The following RBFOX1 variants were observed in gnomAD, a reference collection of about 807,000 sequenced individuals.
The protein encoded by RBFOX1 is RNA binding fox-1 homolog 1.
In RBFOX1, 8 loss-of-function variants were observed where a neutral mutation model predicts 57.7. The observed-to-expected ratio is 0.14, with a 90% CI of 0.08 to 0.25. RBFOX1 has a LOEUF of 0.25. RBFOX1 is among the 10% of genes least tolerant of loss of function. RBFOX1 has a pLI of 1.00. For missense variants in RBFOX1, 611 were observed against 548.5 expected (o/e 1.11, Z -1.14); for synonymous variants, 326 against 222.4 (o/e 1.47, Z -4.15).
At chr16:6,256,372 A>T (rs1204758617) in intron 1 of RBFOX1, among the ~76,000 whole-genome samples, 1 of 148,908 alleles carries the variant, frequency 6.7e-6, no homozygotes, top group Non-Finnish European at 1.5e-5. Flanking sequence ...AGGTTGGGTA[A>T]GAGGACTGAG....
chr16:7,643,958 C>G (rs1277237406), intron 11 of RBFOX1, among the ~76,000 whole-genome samples: 1 of 152,106 alleles, frequency 6.6e-6, no homozygotes, highest in Non-Finnish European at 1.5e-5. Context: ...GCAAATTAAC[C>G]CAGTCTATGA....
intron 4 of RBFOX1, among the ~76,000 whole-genome samples, chr16:7,384,918 TA>T (rs2097851420): frequency 6.6e-6 from 1 of 152,144 alleles, no homozygotes; most frequent in South Asian, 2.1e-4. Flanking sequence ...GTCAGATAAT[TA>T]AAACAGAGAG....
rs568182116 is a variant in RBFOX1 at position 6,974,819 on chromosome 16, C to T, written c.-15-77238C>T. On this transcript the variant is annotated intron_variant, in intron 3 of 15. Transcript: ENST00000550418. ...TGAAGTTTGCCAGTCACTCCCTTGG[C>T]TTGTAGTCCTTTTACTTCCATTTTA... 3.3e-5 allele frequency among the ~76,000 whole-genome samples: 5 copies of T among 152,246 alleles called. No individual in the cohort carries two copies. In the South Asian group the frequency reaches 1.0e-3, roughly 32 times the overall value.
intron 3 of RBFOX1, among the ~76,000 whole-genome samples, chr16:5,839,988 G>A (rs2056576946): frequency 6.6e-6 from 1 of 152,148 alleles, no homozygotes; most frequent in African/African-American, 2.4e-5. Flanking sequence ...AACAGTGTCT[G>A]CCACAAGCAT....
chr16:6,618,150 A>G (rs75637124), intron 2 of RBFOX1, among the ~76,000 whole-genome samples: 35 of 152,102 alleles, frequency 2.3e-4, no homozygotes, highest in Non-Finnish European at 4.6e-4. Flanking sequence ...TTACAGGGAC[A>G]TGAGGAGGGG....
intron 3 of RBFOX1, among the ~76,000 whole-genome samples, chr16:5,853,212 C>G (rs1219958972): frequency 6.6e-6 from 1 of 152,046 alleles, no homozygotes. Context: ...CCTTGCATTT[C>G]AATGCCAGGT....
At chr16:6,821,202 G>A (rs1200914485) in intron 3 of RBFOX1, among the ~76,000 whole-genome samples, 1 of 152,126 alleles carries the variant, frequency 6.6e-6, no homozygotes, top group Admixed American at 6.6e-5. Context: ...TTGGCTAGAA[G>A]TCCAGTCATG....
intron 4 of RBFOX1, among the ~76,000 whole-genome samples, chr16:5,927,291 G>A (rs1597823004): frequency 6.6e-6 from 1 of 152,314 alleles, no homozygotes; most frequent in Non-Finnish European, 1.5e-5. Flanking sequence ...ATATATATGT[G>A]TGTGGCAAAC....
chr16:6,920,504 G>C (rs995589835), intron 3 of RBFOX1, among the ~76,000 whole-genome samples: 2 of 152,214 alleles, frequency 1.3e-5, no homozygotes, highest in African/African-American at 4.8e-5. Context: ...AGAGGCTCTT[G>C]TAATTGCCAA....
At chr16:7,709,468 C>G in intron 15 of RBFOX1, 2 of 1,417,886 alleles carry the variant, frequency 1.4e-6, no homozygotes, top group Non-Finnish European at 9.2e-7. Context: ...CTTTTTTTTT[C>G]CCTCCCTTGC....
At chr16:5,668,417 G>T (rs553208863) in intron 3 of RBFOX1, among the ~76,000 whole-genome samples, 1 of 152,306 alleles carries the variant, frequency 6.6e-6, no homozygotes, top group Admixed American at 6.5e-5. Context: ...AGAAACCTGT[G>T]AGAAAGAGAA....
At chr16:5,833,686 C>T (rs1002022708) in intron 3 of RBFOX1, among the ~76,000 whole-genome samples, 2 of 151,994 alleles carry the variant, frequency 1.3e-5, no homozygotes, top group African/African-American at 2.4e-5. Context: ...TGGACGTGTG[C>T]ATTGGTCCTT....
rs867177147 is a variant in RBFOX1, at chr16:7,208,065, A to C, written c.27+155967A>C. On this transcript the variant is annotated intron_variant, in intron 4 of 15. Coordinates refer to ENST00000550418, the MANE Select transcript of RBFOX1 (RefSeq NM_018723.4). ...AAAACTAGGACTTTAGGCAACATCAATCCTGCAACAGGGAAGCAAGAGCAA... is the reference window on the plus strand; with the variant it reads ...AAAACTAGGACTTTAGGCAACATCACTCCTGCAACAGGGAAGCAAGAGCAA... Among the ~76,000 whole-genome samples, 4 of 152,186 alleles carry C rather than the reference A, an allele frequency of 2.6e-5. No individual in the cohort carries two copies. The East Asian group carries it at 7.7e-4, about 29-fold the overall frequency.
intron 4 of RBFOX1, among the ~76,000 whole-genome samples, chr16:7,120,612 C>G (rs367816870): frequency 1.3e-5 from 2 of 150,704 alleles, no homozygotes; most frequent in South Asian, 4.2e-4. Flanking sequence ...GTTCAATAGA[C>G]TTATTTAAAA....
At chr16:6,062,871 G>A (rs1166124447) in intron 1 of RBFOX1, among the ~76,000 whole-genome samples, 2 of 152,040 alleles carry the variant, frequency 1.3e-5, no homozygotes, top group South Asian at 4.2e-4. Flanking sequence ...TGATGTTGTA[G>A]TCTTGAGTCT....
At chr16:6,089,922 G>C (rs2096146560) in intron 1 of RBFOX1, among the ~76,000 whole-genome samples, 1 of 152,212 alleles carries the variant, frequency 6.6e-6, no homozygotes, top group African/African-American at 2.4e-5. Context: ...CACATTCTTA[G>C]TGGCTTGAAA....
intron 4 of RBFOX1, among the ~76,000 whole-genome samples, chr16:7,150,889 G>A (rs1391988600): frequency 1.3e-5 from 2 of 152,192 alleles, no homozygotes. Context: ...TATGATGGTA[G>A]TTCCCCTATT....
intron 4 of RBFOX1, among the ~76,000 whole-genome samples, chr16:7,183,144 C>G (rs2141902): frequency 0.21 from 31,201 of 151,966 alleles, 3,538 homozygotes; most frequent in East Asian, 0.39. Context: ...ATTCAACCCT[C>G]TTTTTATTAG....
chr16:7,188,019 A>T (rs748178001), intron 4 of RBFOX1, among the ~76,000 whole-genome samples: 1 of 152,176 alleles, frequency 6.6e-6, no homozygotes, highest in African/African-American at 2.4e-5. Context: ...TTATCTCTAG[A>T]TAGTGAGATT....
Sources: allele counts gnomAD v4.1 joint callset (sites outside exome capture counted in the v4.1 genomes callset), GRCh38; gene constraint gnomAD v4.1.1; transcripts MANE v1.5; gene names NCBI Gene and HGNC (gene_info 2026-07-23, HGNC 2026-07-21).